Variants in ITGB3 observed in about 807,000 individuals in gnomAD.
ITGB3 encodes integrin subunit beta 3.
A neutral mutation model predicts 85.8 loss-of-function variants in ITGB3; 48 were observed. The observed-to-expected ratio is 0.56, with a 90% CI of 0.44 to 0.71. The LOEUF (loss-of-function observed/expected upper bound fraction) is 0.71. Among genes scored for constraint, ITGB3 ranks in the 30% least tolerant of loss-of-function variants. ITGB3 has a pLI of 0.00. For synonymous variants in ITGB3, 363 were observed against 395.6 expected, an observed-to-expected ratio of 0.92 and a Z score of 0.98; for missense variants, 861 against 1,019.1, an observed-to-expected ratio of 0.84 and a Z score of 2.11.
chr17:47,302,469 C>T (rs573281679), intron 12 of ITGB3, among the ~76,000 whole-genome samples: 1 of 152,246 alleles, frequency 6.6e-6, no homozygotes, highest in South Asian at 2.1e-4. Context: ...TTGTGTAATA[C>T]TGTTATATCA....
chr17:47,266,461 C>T (rs1283885744), intron 1 of ITGB3, among the ~76,000 whole-genome samples: 1 of 152,178 alleles, frequency 6.6e-6, no homozygotes. Flanking sequence ...TTCCATTTTT[C>T]CCACCCTTTG....
intron 1 of ITGB3, among the ~76,000 whole-genome samples, chr17:47,268,945 GA>G (rs1383206452): frequency 6.6e-6 from 1 of 152,228 alleles, no homozygotes; most frequent in Non-Finnish European, 1.5e-5. Context: ...TACATCCTCT[GA>G]AATCTAGGCA....
intron 6 of ITGB3, among the ~76,000 whole-genome samples, chr17:47,288,206 A>AGAGAG (rs2065110684): frequency 1.5e-5 from 2 of 134,828 alleles, no homozygotes; most frequent in Non-Finnish European, 3.2e-5. Context: ...TTCTCTTAGA[A>AGAGAG]AGAGAGAGAG....
intron 1 of ITGB3, among the ~76,000 whole-genome samples, chr17:47,268,032 GA>G (rs940096949): frequency 1.3e-5 from 2 of 152,146 alleles, no homozygotes; most frequent in African/African-American, 4.8e-5. Flanking sequence ...ATGGTGGCAG[GA>G]AAGATAAGTG....
rs77850465 is a variant in ITGB3 at position 47,296,093 on chromosome 17, C to T, written c.1691-3215C>T. Among the ~76,000 whole-genome samples the T allele has an allele frequency of 9.1e-3, 1,385 of 152,322 alleles. 44 individuals carry two copies. The highest frequency in any genetic ancestry group is 0.059 in the East Asian group (305 of 5,182). ...CCTCCTCTCTACATCCTCAGCGAGTCCCTTAAATAAGATCCTCATCCAAGC... is the reference window on the plus strand; with the variant it reads ...CCTCCTCTCTACATCCTCAGCGAGTTCCTTAAATAAGATCCTCATCCAAGC... On this transcript the variant is annotated intron_variant, in intron 10 of 14. Coordinates refer to ENST00000559488, the MANE Select transcript of ITGB3 (RefSeq NM_000212.3).
chr17:47,290,183 A>G lies in ITGB3; in HGVS notation c.1036-2A>G, dbSNP rs1567765995. On this transcript the variant is annotated splice_acceptor_variant, in intron 7 of 14. Coordinates refer to ENST00000559488, the MANE Select transcript of ITGB3 (RefSeq NM_000212.3). LOFTEE classifies it high-confidence loss of function. ...TCTGGACATCTTTGTTTTCCTTTCT[A>G]GAACTATAGTGAGCTCATCCCAGGG... 2 of 1,612,802 alleles carry G rather than the reference A, an allele frequency of 1.2e-6. No individual in the cohort carries two copies. Among genetic ancestry groups the G allele is most frequent in the Non-Finnish European group, 8.5e-7 (1 of 1,178,802 alleles).
Position 47,289,723 on chromosome 17 carries a change from A to G in ITGB3, c.982A>G (p.Lys328Glu). 6.2e-7 allele frequency: 1 copy of G among 1,614,104 alleles called. No individual in the cohort carries two copies. Among genetic ancestry groups the G allele is most frequent in the Non-Finnish European group, 8.5e-7 (1 of 1,179,936 alleles). Reference protein sequence around the residue: ...LGLMTEKLSQKNINLIFAVTE... With the variant: ...LGLMTEKLSQENINLIFAVTE... ...GCTGATGACTGAGAAGCTATCCCAG[A>G]AAAACATCAATTTGATCTTTGCAGT... The change falls in exon 7 of 15, where the codon AAA becomes GAA. Residue 328 changes from lysine to glutamate, a missense_variant. Coordinates refer to ENST00000559488, the MANE Select transcript of ITGB3 (RefSeq NM_000212.3).
intron 14 of ITGB3, among the ~76,000 whole-genome samples, chr17:47,308,184 T>TAATAATAATAATAATAATAAA (rs151170176): frequency 6.7e-6 from 1 of 148,662 alleles, no homozygotes; most frequent in Non-Finnish European, 1.5e-5. Flanking sequence ...ATAATAATAA[T>TAATAATAATAATAATAATAAA]AATAAAATAA....
At chr17:47,300,324 T>C (rs2065161370) in intron 11 of ITGB3, among the ~76,000 whole-genome samples, 154 bp from the exon 12 acceptor site, 3 of 143,790 alleles carry the variant, frequency 2.1e-5, no homozygotes, top group East Asian at 2.0e-4. Context: ...GTCCCCAGGA[T>C]TGTCTTACAG....
At chr17:47,266,018 A>C (rs2065023898) in intron 1 of ITGB3, among the ~76,000 whole-genome samples, 1 of 152,186 alleles carries the variant, frequency 6.6e-6, no homozygotes, top group South Asian at 2.1e-4. Flanking sequence ...ACCAAAATTA[A>C]AATAAACTTT....
At position 47,307,639 on chromosome 17, in the gene ITGB3, T is replaced by G; in HGVS notation, c.2301+2T>G. The G allele has an allele frequency of 6.2e-7, 1 of 1,614,084 alleles. No homozygotes were observed. The highest frequency in any genetic ancestry group is 8.5e-7 in the Non-Finnish European group (1 of 1,179,986). ...CGCGCCAGAGCAAAATGGGACACAG[T>G]AAGAGACGGGGCTGGGCGTTTTCTA... On this transcript the variant is annotated splice_donor_variant, in intron 14 of 14. Transcript: ENST00000559488. LOFTEE classifies it high-confidence loss of function.
In ITGB3 at chr17:47,310,322, G is replaced by A. The variant is rs1479263295; in HGVS notation, c.*118G>A. 2 of 946,160 alleles carry A rather than the reference G, an allele frequency of 2.1e-6. No individual in the cohort carries two copies. The highest frequency in any genetic ancestry group is 3.8e-5 in the Admixed American group (2 of 52,026). 58.6% of individuals were successfully genotyped at this position (946,160 alleles called of 1,614,324 possible). A position where few individuals can be genotyped will look rare whatever the true frequency, so the allele number is the denominator to read the frequency against. On this transcript the variant is annotated 3_prime_UTR_variant, in exon 15 of 15. Coordinates refer to ENST00000559488, the MANE Select transcript of ITGB3 (RefSeq NM_000212.3). ...GGGATTTGGGGCTCAGAGTGGGGTA[G>A]GTTGGGAGAATGTCAGTATGTGGAA...
intron 2 of ITGB3, among the ~76,000 whole-genome samples, chr17:47,276,050 C>A (rs931335233): frequency 2.0e-5 from 3 of 152,150 alleles, no homozygotes; most frequent in African/African-American, 7.2e-5. Context: ...GAAGAGAGAG[C>A]TGAATGGGGA....
At position 47,253,955 on chromosome 17, in the gene ITGB3, G is replaced by T. The variant is rs1480456706; in HGVS notation, c.79+15G>T. On this transcript the variant is annotated intron_variant, in intron 1 of 14. Transcript: ENST00000559488. ...TGGCGTAGGAGGTGAGTGAGGCTCC[G>T]GCTCGGCAGCGTCGCAGCTGCCCCA... The T allele has an allele frequency of 1.4e-6, 2 of 1,401,934 alleles. No homozygotes were observed. 86.8% of individuals were successfully genotyped at this position (1,401,934 alleles called of 1,614,324 possible).
Position 47,299,194 on chromosome 17 carries a change from C to A in ITGB3, c.1691-114C>A. ...GGGTGGTGAGCCAATTCCCTGCCAA[C>A]CTGGAGGATCATTATCTGTGTGGTT... On this transcript the variant is annotated intron_variant, in intron 10 of 14. Transcript: ENST00000559488. This position sits in a 1 kb window ranked among gnomAD's most constrained non-coding sequence, Gnocchi z 5.1. 9.4e-7 allele frequency: 1 copy of A among 1,065,894 alleles called. No homozygotes were observed. Among genetic ancestry groups the A allele is most frequent in the Non-Finnish European group, 1.4e-6 (1 of 709,420 alleles). 66.0% of individuals were successfully genotyped at this position (1,065,894 alleles called of 1,614,324 possible).
At chr17:47,274,371 C>T in intron 1 of ITGB3, 48 bp from the exon 2 acceptor site, 1 of 1,566,320 alleles carries the variant, frequency 6.4e-7, no homozygotes, top group Non-Finnish European at 8.7e-7. Context: ...AGGCAAGTAC[C>T]TTCACTGAGC....
chr17:47,273,836 T>G (rs1351572276), intron 1 of ITGB3, among the ~76,000 whole-genome samples: 3 of 152,204 alleles, frequency 2.0e-5, no homozygotes, highest in African/African-American at 7.2e-5. Context: ...TCCTAGAGCA[T>G]TTTGTGGTTG....
chr17:47,310,351 T>A lies in ITGB3; in HGVS notation c.*147T>A. 1.3e-6 allele frequency: 1 copy of A among 741,120 alleles called. No homozygotes were observed. The highest frequency in any genetic ancestry group is 2.4e-6 in the Non-Finnish European group (1 of 416,052). 45.9% of individuals were successfully genotyped at this position (741,120 alleles called of 1,614,324 possible). A position where few individuals can be genotyped will look rare whatever the true frequency, so the allele number is the denominator to read the frequency against. Reference sequence around the variant, plus strand: ...GGGAGAATGTCAGTATGTGGAAGTGTGGGTCTGTGTGTGTGTATGTGGGGG... The same window carrying A: ...GGGAGAATGTCAGTATGTGGAAGTGAGGGTCTGTGTGTGTGTATGTGGGGG... On this transcript the variant is annotated 3_prime_UTR_variant, in exon 15 of 15. Transcript: ENST00000559488.
At chr17:47,296,398 T>C (rs972413541) in intron 10 of ITGB3, among the ~76,000 whole-genome samples, 1 of 152,196 alleles carries the variant, frequency 6.6e-6, no homozygotes, top group Admixed American at 6.5e-5. Context: ...CATGCCCGGA[T>C]AATTTTTTAA....
Sources: gnomAD v4.1 joint callset for allele counts (sites outside exome capture counted in the v4.1 genomes callset) on GRCh38, gnomAD v4.1.1 for gene constraint, Gnocchi (gnomAD v3.1) non-coding constraint, MANE v1.5 for transcripts, NCBI Gene and HGNC (gene_info 2026-07-23, HGNC 2026-07-21) for gene names.